Variants in IFT56 observed in about 807,000 individuals in gnomAD.
The protein encoded by IFT56 is intraflagellar transport protein 56.
chr7:139,185,106 C>T, the IFT56 span, among the ~76,000 whole-genome samples: 1 of 151,126 alleles, frequency 6.6e-6, no homozygotes, highest in Non-Finnish European at 1.5e-5. Flanking sequence ...GAGGCTGAGG[C>T]AGGAGAATCA....
chr7:139,164,345 A>G, the IFT56 span, among the ~76,000 whole-genome samples: 6 of 152,266 alleles, frequency 3.9e-5, no homozygotes, highest in African/African-American at 1.4e-4. Flanking sequence ...CAGAAAGGTT[A>G]TATAAATTCC....
At chr7:139,172,409 G>C in the IFT56 span, 1 of 358,902 alleles carries the variant, frequency 2.8e-6, no homozygotes, top group Admixed American at 3.9e-5. Context: ...GGTGGGCATT[G>C]TATTTGTGCT....
the IFT56 span, among the ~76,000 whole-genome samples, chr7:139,156,830 C>T: frequency 6.6e-6 from 1 of 152,182 alleles, no homozygotes; most frequent in Admixed American, 6.5e-5. Flanking sequence ...ATTTGTGTAT[C>T]CTTGCCCTCA....
the IFT56 span, among the ~76,000 whole-genome samples, chr7:139,183,639 C>G: frequency 6.6e-6 from 1 of 151,050 alleles, no homozygotes; most frequent in African/African-American, 2.4e-5. Context: ...AAGAAATTCA[C>G]TTTAAATATA....
chr7:139,184,053 T>A, the IFT56 span, among the ~76,000 whole-genome samples: 16 of 152,288 alleles, frequency 1.1e-4, no homozygotes, highest in Non-Finnish European at 2.2e-4. Context: ...GACAAAATGA[T>A]AAGAAAACCT....
chr7:139,171,544 T>A, the IFT56 span, among the ~76,000 whole-genome samples: 1 of 152,164 alleles, frequency 6.6e-6, no homozygotes, highest in Non-Finnish European at 1.5e-5. Context: ...TCCATATGTC[T>A]ACAGTGAACT....
the IFT56 span, chr7:139,169,253 C>A: frequency 1.3e-6 from 2 of 1,558,780 alleles, no homozygotes; most frequent in Non-Finnish European, 1.8e-6. Context: ...AATATTTTTA[C>A]CTTATTCCTC....
chr7:139,150,135 T>C, the IFT56 span, among the ~76,000 whole-genome samples: 1 of 152,192 alleles, frequency 6.6e-6, no homozygotes, highest in Non-Finnish European at 1.5e-5. Context: ...CTTGAGCACA[T>C]AGTATATACT....
the IFT56 span, chr7:139,172,681 G>C: frequency 6.5e-6 from 4 of 619,690 alleles, no homozygotes; most frequent in South Asian, 2.7e-5. Flanking sequence ...TCTTTCCAAG[G>C]ATTTCTGGAA....
At chr7:139,153,080 C>T in the IFT56 span, among the ~76,000 whole-genome samples, 1 of 150,142 alleles carries the variant, frequency 6.7e-6, no homozygotes, top group Non-Finnish European at 1.5e-5. Flanking sequence ...ACCCGGGAGG[C>T]GGAGGTTGCA....
the IFT56 span, among the ~76,000 whole-genome samples, chr7:139,137,302 C>T: frequency 6.6e-6 from 1 of 152,200 alleles, no homozygotes; most frequent in Non-Finnish European, 1.5e-5. Flanking sequence ...CTCTTGTAGG[C>T]CTGGTAAGCT....
chr7:139,148,665 G>A, the IFT56 span, among the ~76,000 whole-genome samples: 2 of 152,118 alleles, frequency 1.3e-5, no homozygotes, highest in African/African-American at 4.8e-5. Flanking sequence ...CTGGCCGGGC[G>A]CTGTGGCTCA....
the IFT56 span, among the ~76,000 whole-genome samples, chr7:139,163,300 C>A: frequency 6.6e-6 from 1 of 150,548 alleles, no homozygotes; most frequent in South Asian, 2.1e-4. Context: ...GAAGATCGCG[C>A]CACTGCACTC....
chr7:139,137,947 T>TA, the IFT56 span: 2 of 1,595,882 alleles, frequency 1.3e-6, no homozygotes, highest in African/African-American at 1.3e-5. Flanking sequence ...GAGGTTAGTG[T>TA]AAAAAAAGTT....
chr7:139,138,448 G>T, the IFT56 span, among the ~76,000 whole-genome samples: 1 of 152,190 alleles, frequency 6.6e-6, no homozygotes, highest in Non-Finnish European at 1.5e-5. Flanking sequence ...TACTATCCAA[G>T]ATTTCAGGCA....
At chr7:139,160,855 A>T in the IFT56 span, 1 of 897,830 alleles carries the variant, frequency 1.1e-6, no homozygotes, top group Non-Finnish European at 1.7e-6. Flanking sequence ...ATAGCATGTT[A>T]AATTCTTTGT....
At chr7:139,163,197 C>T in the IFT56 span, among the ~76,000 whole-genome samples, 7 of 151,640 alleles carry the variant, frequency 4.6e-5, no homozygotes, top group African/African-American at 1.7e-4. Flanking sequence ...CAAAAATTAG[C>T]CGGGTGTTAT....
At chr7:139,147,321 C>G in the IFT56 span, 2 of 1,553,150 alleles carry the variant, frequency 1.3e-6, no homozygotes, top group East Asian at 4.5e-5. Context: ...ACTCTCCATT[C>G]CTTTCATTTT....
the IFT56 span, chr7:139,179,510 A>G: frequency 7.3e-7 from 1 of 1,371,398 alleles, no homozygotes; most frequent in African/African-American, 1.4e-5. Flanking sequence ...AGGCAAGCCA[A>G]TAATGGGTAT....
Sources: allele counts gnomAD v4.1 joint callset (sites outside exome capture counted in the v4.1 genomes callset), GRCh38; gene constraint gnomAD v4.1.1; transcripts MANE v1.5; gene names NCBI Gene and HGNC (gene_info 2026-07-23, HGNC 2026-07-21).